EDA: variants seen among roughly 807,000 people sequenced by gnomAD.
The protein encoded by EDA is ectodysplasin-A.
In EDA, 2 loss-of-function variants were observed where a neutral mutation model predicts 23.6. That is an observed-to-expected ratio of 0.08 (90% CI 0.03 to 0.27). The LOEUF (loss-of-function observed/expected upper bound fraction) is 0.27, where lower values mean the gene tolerates loss of function less well. Among genes scored for constraint, EDA ranks in the 10% least tolerant of loss-of-function variants. The probability of loss-of-function intolerance (pLI) is 1.00; values close to 1 mark genes in which losing one functional copy is unlikely to be tolerated. For missense variants in EDA, 229 were observed against 324.2 expected (o/e 0.71, Z 2.26); for synonymous variants, 131 against 132.0 (o/e 0.99, Z 0.05).
chrX:69,879,933 GCAAAT>G (rs1329659127), intron 1 of EDA, among the ~76,000 whole-genome samples: 2 of 112,256 alleles, frequency 1.8e-5, no homozygotes, highest in Admixed American at 1.9e-4. Context: ...TTCTTGGCAA[GCAAAT>G]TCTGTTCTCC....
intron 1 of EDA, among the ~76,000 whole-genome samples, chrX:69,660,744 G>T (rs1347697482): frequency 3.6e-5 from 4 of 111,532 alleles, no homozygotes; most frequent in African/African-American, 9.8e-5. Context: ...TCTATCATTG[G>T]TGGACATTTG....
chrX:69,703,658 G>A (rs5980838), intron 1 of EDA, among the ~76,000 whole-genome samples: 19,148 of 110,890 alleles, frequency 0.17, 1,263 homozygotes, highest in Non-Finnish European at 0.2. Context: ...GTACCCTGAC[G>A]GCCTCTCTCT....
chrX:69,807,275 A>G (rs1602428061), intron 1 of EDA, among the ~76,000 whole-genome samples: 1 of 107,496 alleles, frequency 9.3e-6, no homozygotes, highest in African/African-American at 3.4e-5. Flanking sequence ...GACAGCTATT[A>G]TAAAAGATAC....
At chrX:69,743,207 C>T (rs747603519) in intron 1 of EDA, among the ~76,000 whole-genome samples, 1 of 111,214 alleles carries the variant, frequency 9.0e-6, no homozygotes, top group African/African-American at 3.3e-5. Context: ...AAGTTTTAGC[C>T]ACTACTACCA....
At chrX:69,976,827 T>A (rs2147445765) in intron 2 of EDA, among the ~76,000 whole-genome samples, 1 of 111,419 alleles carries the variant, frequency 9.0e-6, no homozygotes, top group Non-Finnish European at 1.9e-5. Context: ...TCTTGAAACT[T>A]TTCTTTTCAA....
intron 3 of EDA, among the ~76,000 whole-genome samples, chrX:70,024,886 C>CA (rs2020086771): frequency 8.9e-6 from 1 of 112,239 alleles, no homozygotes; most frequent in African/African-American, 3.2e-5. Flanking sequence ...TCTAACACTA[C>CA]ATAGGGTATG....
intron 1 of EDA, among the ~76,000 whole-genome samples, chrX:69,805,697 C>A (rs1341594006): frequency 9.0e-6 from 1 of 111,667 alleles, no homozygotes. Flanking sequence ...AATTAAGCAA[C>A]CATGTGCCCA....
chrX:69,650,473 T>C (rs916940064), intron 1 of EDA, among the ~76,000 whole-genome samples: 1 of 111,419 alleles, frequency 9.0e-6, no homozygotes, highest in South Asian at 3.8e-4. Flanking sequence ...TACCAACATA[T>C]AGTTAGATAT....
chrX:69,867,002 T>C (rs890935085), intron 1 of EDA, among the ~76,000 whole-genome samples: 1 of 112,125 alleles, frequency 8.9e-6, no homozygotes, highest in Non-Finnish European at 1.9e-5. Context: ...AGGACAAACC[T>C]CTGCCCTTTC....
At chrX:69,664,050 C>T (rs1933599847) in intron 1 of EDA, among the ~76,000 whole-genome samples, 2 of 111,958 alleles carry the variant, frequency 1.8e-5, no homozygotes, top group African/African-American at 6.5e-5. Flanking sequence ...AGGGACTTGC[C>T]TTGTGTCAAA....
At chrX:69,622,725 C>T (rs1419587608) in intron 1 of EDA, among the ~76,000 whole-genome samples, 1 of 111,023 alleles carries the variant, frequency 9.0e-6, no homozygotes, top group East Asian at 2.8e-4. Flanking sequence ...TAGTATTTTC[C>T]TTTATGGATA....
At position 69,835,540 on chromosome X, in the gene EDA, C is replaced by T. The variant is rs148688478; in HGVS notation, c.397-121487C>T. 4.5e-4 allele frequency among the ~76,000 whole-genome samples: 50 copies of T among 111,952 alleles called. No individual in the cohort carries two copies. The East Asian group carries it at 0.011, about 24-fold the overall frequency. On this transcript the variant is annotated intron_variant, in intron 1 of 7. Transcript: ENST00000374552. ...GCTTGTGCATGTGTCACGTAGTTCT[C>T]GTGGCATGGTTTTCAGCTCCATCAG...
intron 1 of EDA, among the ~76,000 whole-genome samples, chrX:69,676,470 A>G (rs1341580399): frequency 1.0e-5 from 1 of 100,495 alleles, no homozygotes; most frequent in Non-Finnish European, 2.0e-5. Context: ...CCTCAAATGG[A>G]AGAATGAGTT....
chrX:69,929,717 T>G (rs1015273233), intron 1 of EDA, among the ~76,000 whole-genome samples: 1 of 102,884 alleles, frequency 9.7e-6, no homozygotes, highest in African/African-American at 3.6e-5. Flanking sequence ...TGTGTGTGTG[T>G]GTGTGTGTGT....
chrX:69,667,054 T>C (rs780818088), intron 1 of EDA, among the ~76,000 whole-genome samples: 22 of 111,142 alleles, frequency 2.0e-4, no homozygotes, highest in Non-Finnish European at 3.6e-4. Context: ...TTATTTCCTC[T>C]AGGTTATCCA....
chrX:70,017,316 T>G (rs1939936552), intron 2 of EDA, among the ~76,000 whole-genome samples: 1 of 112,026 alleles, frequency 8.9e-6, no homozygotes, highest in Non-Finnish European at 1.9e-5. Flanking sequence ...ACTGAACCTA[T>G]TCCAAAAAGT....
chrX:69,843,269 C>T (rs927547487), intron 1 of EDA, among the ~76,000 whole-genome samples: 4 of 111,630 alleles, frequency 3.6e-5, no homozygotes, highest in African/African-American at 9.8e-5. Context: ...AGGTTTATAA[C>T]ATTATGTTAT....
intron 1 of EDA, among the ~76,000 whole-genome samples, chrX:69,827,058 C>T (rs1265863091): frequency 8.9e-6 from 1 of 112,002 alleles, no homozygotes; most frequent in East Asian, 2.8e-4. Context: ...AGAGTTTCTG[C>T]CGAGAGATCC....
At chrX:69,738,748 A>G (rs764426598) in intron 1 of EDA, among the ~76,000 whole-genome samples, 12 of 109,042 alleles carry the variant, frequency 1.1e-4, no homozygotes, top group Middle Eastern at 5.0e-3. Context: ...TCATTGACCT[A>G]TTGGTTATTT....
Sources: allele counts gnomAD v4.1 joint callset (sites outside exome capture counted in the v4.1 genomes callset), GRCh38; gene constraint gnomAD v4.1.1; transcripts MANE v1.5; gene names NCBI Gene and HGNC (gene_info 2026-07-23, HGNC 2026-07-21).